The following ANO4 variants were observed in gnomAD, a reference collection of about 807,000 sequenced individuals.
ANO4 encodes the protein anoctamin 4, also known as anoctamin-4.
A neutral mutation model predicts 141.9 loss-of-function variants in ANO4; 69 were observed. The observed-to-expected ratio is 0.49, with a 90% CI of 0.40 to 0.59. The LOEUF (loss-of-function observed/expected upper bound fraction) is 0.59, where lower values mean the gene tolerates loss of function less well. ANO4 is among the 20% of genes least tolerant of loss of function. The pLI, the probability that ANO4 is intolerant of heterozygous loss-of-function variation, is 0.00. For synonymous variants in ANO4, 350 were observed against 394.3 expected (o/e 0.89, Z 1.33); for missense variants, 894 against 1,162.2 (o/e 0.77, Z 3.36).
At chr12:100,739,196 A>G (rs891362534) in intron 2 of ANO4, among the ~76,000 whole-genome samples, 7 of 150,934 alleles carry the variant, frequency 4.6e-5, no homozygotes, top group African/African-American at 1.7e-4. Context: ...TATAAGTGAG[A>G]TCATAAACTT....
intron 14 of ANO4, among the ~76,000 whole-genome samples, chr12:101,053,030 G>A (rs1166594755): frequency 2.0e-5 from 3 of 152,182 alleles, no homozygotes; most frequent in Non-Finnish European, 4.4e-5. Flanking sequence ...TGTGAAGTGT[G>A]TCAATTAAGA....
intron 1 of ANO4, among the ~76,000 whole-genome samples, chr12:100,801,124 TCA>T (rs142589304): frequency 0.02 from 2,824 of 143,384 alleles, 89 homozygotes; most frequent in African/African-American, 0.068. Flanking sequence ...TCTCTCTCTC[TCA>T]AACAGACTTT....
In ANO4 at chr12:101,116,668, T is replaced by C. The variant is rs1384375203; in HGVS notation, c.2451-11T>C. ...GAGTGTTCTAATGGTAGAATGTGCC[T>C]CCTCTTATAGGTGCATGGTTGGCTA... On this transcript the variant is annotated splice_polypyrimidine_tract_variant and intron_variant, in intron 24 of 27. Transcript: ENST00000392977. 1 of 1,614,104 alleles carries C rather than the reference T, an allele frequency of 6.2e-7. No homozygotes were observed. Among genetic ancestry groups the C allele is most frequent in the South Asian group, 1.1e-5 (1 of 91,072 alleles).
intron 1 of ANO4, among the ~76,000 whole-genome samples, chr12:100,864,717 A>T (rs1050429007): frequency 6.6e-6 from 1 of 152,162 alleles, no homozygotes; most frequent in African/African-American, 2.4e-5. Context: ...TTAAGTTCTG[A>T]GATACATGTG....
At chr12:100,936,966 G>A (rs1029871974) in intron 3 of ANO4, among the ~76,000 whole-genome samples, 3 of 152,146 alleles carry the variant, frequency 2.0e-5, no homozygotes, top group Non-Finnish European at 4.4e-5. Context: ...TTGGTTAAAC[G>A]ATACTTTTAT....
At chr12:101,117,143 G>A (rs1264085152) in intron 25 of ANO4, among the ~76,000 whole-genome samples, 2 of 152,208 alleles carry the variant, frequency 1.3e-5, no homozygotes, top group Non-Finnish European at 2.9e-5. Flanking sequence ...GACAGCTGTT[G>A]AGGGCACTTG....
At chr12:101,004,100 T>C (rs181643296) in intron 8 of ANO4, among the ~76,000 whole-genome samples, 1 of 151,020 alleles carries the variant, frequency 6.6e-6, no homozygotes, top group Admixed American at 6.6e-5. Flanking sequence ...TTAGGTTCCA[T>C]TCAGGAAAAC....
intron 14 of ANO4, among the ~76,000 whole-genome samples, chr12:101,075,995 G>T (rs1387520631): frequency 6.6e-6 from 1 of 151,962 alleles, no homozygotes; most frequent in Non-Finnish European, 1.5e-5. Flanking sequence ...CAAATGAATG[G>T]GCATTTCACC....
intron 5 of ANO4, among the ~76,000 whole-genome samples, chr12:100,947,528 A>C (rs2042776820): frequency 6.6e-6 from 1 of 152,198 alleles, no homozygotes; most frequent in African/African-American, 2.4e-5. Context: ...TGAAATGCAC[A>C]AACAATACAA....
intron 8 of ANO4, among the ~76,000 whole-genome samples, chr12:100,994,729 T>C (rs1280569973): frequency 6.6e-6 from 1 of 152,210 alleles, no homozygotes; most frequent in Non-Finnish European, 1.5e-5. Flanking sequence ...ATATATTCAC[T>C]CATCCACGTA....
intron 2 of ANO4, 105 bp from the exon 3 acceptor site, chr12:100,922,121 A>C: frequency 1.5e-6 from 1 of 686,574 alleles, no homozygotes; most frequent in Non-Finnish European, 2.2e-6. Context: ...TTGGCAAACC[A>C]GCTAGCCATT....
Position 101,083,672 on chromosome 12 carries a change from CT to C in ANO4, c.1396-3del. 6.2e-7 allele frequency: 1 copy of C among 1,601,944 alleles called. No homozygotes were observed. On this transcript the variant is annotated splice_region_variant and splice_polypyrimidine_tract_variant and intron_variant, in intron 15 of 27. Transcript: ENST00000392977. Reference sequence around the variant, plus strand: ...GTGCATTAAAATGTGTCTGCTTGTCCTTTAGGAAGAAATACGACCCCAGTTT... The same window carrying C: ...GTGCATTAAAATGTGTCTGCTTGTCCTTAGGAAGAAATACGACCCCAGTTT...
chr12:101,004,188 T>C (rs950951713), intron 8 of ANO4, among the ~76,000 whole-genome samples: 1 of 151,776 alleles, frequency 6.6e-6, no homozygotes, highest in East Asian at 1.9e-4. Flanking sequence ...AAGGAAACAC[T>C]GAAGTCAAGC....
At chr12:100,862,329 T>C (rs975548715) in intron 1 of ANO4, among the ~76,000 whole-genome samples, 1 of 152,138 alleles carries the variant, frequency 6.6e-6, no homozygotes, top group African/African-American at 2.4e-5. Context: ...ATTATCCTTA[T>C]TATTATTATT....
chr12:100,992,118 AAAT>A (rs1406844380), intron 8 of ANO4, among the ~76,000 whole-genome samples: 1 of 152,210 alleles, frequency 6.6e-6, no homozygotes, highest in African/African-American at 2.4e-5. Flanking sequence ...TGAAATTCAG[AAAT>A]AATATAACAG....
At chr12:100,780,047 A>G (rs913650057) in intron 3 of ANO4, among the ~76,000 whole-genome samples, 1 of 152,088 alleles carries the variant, frequency 6.6e-6, no homozygotes, top group African/African-American at 2.4e-5. Flanking sequence ...TTTTTAAGAC[A>G]GGGTATTACC....
At chr12:101,056,153 C>G (rs1425833230) in intron 14 of ANO4, among the ~76,000 whole-genome samples, 2 of 152,076 alleles carry the variant, frequency 1.3e-5, no homozygotes, top group Non-Finnish European at 2.9e-5. Flanking sequence ...AGAATCAGCA[C>G]TTAAATTTCT....
chr12:101,062,552 G>A (rs1022114714), intron 14 of ANO4, among the ~76,000 whole-genome samples: 1 of 152,228 alleles, frequency 6.6e-6, no homozygotes, highest in African/African-American at 2.4e-5. Context: ...CCTGACTGGG[G>A]CTGCTGCCTT....
intron 8 of ANO4, among the ~76,000 whole-genome samples, chr12:101,002,720 G>A (rs1052449582): frequency 6.6e-6 from 1 of 152,152 alleles, no homozygotes; most frequent in African/African-American, 2.4e-5. Context: ...ATTAGCCTCT[G>A]TAAATGCTTT....
Sources: allele counts gnomAD v4.1 joint callset (sites outside exome capture counted in the v4.1 genomes callset), GRCh38; gene constraint gnomAD v4.1.1; transcripts MANE v1.5; gene names NCBI Gene and HGNC (gene_info 2026-07-23, HGNC 2026-07-21).